The following LAMA5 variants were observed in gnomAD, a reference collection of about 807,000 sequenced individuals.
LAMA5 encodes the protein laminin subunit alpha-5.
Under a neutral mutation model 433.4 loss-of-function variants are expected in LAMA5, and 260 were observed. That is an observed-to-expected ratio of 0.60 (90% confidence interval 0.54 to 0.66). The LOEUF is 0.66. Ranked by LOEUF, LAMA5 falls within the 30% of genes least tolerant of loss-of-function variation. The pLI is 0.00. For synonymous variants in LAMA5, 2,620 were observed against 2,226.6 expected (o/e 1.18, Z -4.97); for missense variants, 5,378 against 5,258.5 (o/e 1.02, Z -0.70).
intron 34 of LAMA5, among the ~76,000 whole-genome samples, 162 bp from the exon 35 acceptor site, chr20:62,328,607 G>A (rs1979750398): frequency 6.7e-6 from 1 of 149,218 alleles, no homozygotes; most frequent in Non-Finnish European, 1.5e-5. Context: ...TCCTGACATG[G>A]AGGCAGCTGC....
chr20:62,312,490 G>A lies in LAMA5; in HGVS notation c.9270C>T (p.Cys3090=), dbSNP rs546935213. ...TGCCCAGGGCCTTGATGCCTTTGACGCAGCCACGGACTGAGCCTCCGGTGG... is the reference window on the plus strand; with the variant it reads ...TGCCCAGGGCCTTGATGCCTTTGACACAGCCACGGACTGAGCCTCCGGTGG... The part of the protein sequence containing the change: ...LFPTGGSVRG[C]VKGIKALGKY... The change falls in exon 68 of 80, where the codon TGC becomes TGT. Residue 3090 remains cysteine, a synonymous_variant. Transcript: ENST00000252999. 139 of 1,598,596 alleles carry A rather than the reference G, an allele frequency of 8.7e-5. No individual in the cohort carries two copies. Among genetic ancestry groups the A allele is most frequent in the Admixed American group, 1.2e-4 (7 of 59,974 alleles).
At chr20:62,309,933 C>A in intron 78 of LAMA5, 55 bp downstream of exon 78, 1 of 1,605,482 alleles carries the variant, frequency 6.2e-7, no homozygotes. Context: ...GCCTGGCTCC[C>A]GCTCTGCAGA....
intron 11 of LAMA5, among the ~76,000 whole-genome samples, chr20:62,340,201 C>G (rs1438128753): frequency 6.7e-6 from 1 of 149,882 alleles, no homozygotes; most frequent in South Asian, 2.1e-4. Flanking sequence ...CAGAGAGAGA[C>G]AAAGACTGGA....
chr20:62,357,682 C>CT (rs1985448735), intron 2 of LAMA5, among the ~76,000 whole-genome samples: 1 of 152,246 alleles, frequency 6.6e-6, no homozygotes, highest in Non-Finnish European at 1.5e-5. Flanking sequence ...AATAACAACT[C>CT]TGAGGCCAGA....
Position 62,328,223 on chromosome 20 carries a change from G to A in LAMA5, c.4652+18C>T, listed in dbSNP as rs572598017. On this transcript the variant is annotated intron_variant, in intron 35 of 79. Coordinates refer to ENST00000252999, the MANE Select transcript of LAMA5 (RefSeq NM_005560.6). Reference sequence around the variant, plus strand: ...TAAGGCCACCAGGGGCCGCGCTGACGCCGCTCTGGGCTCTCACTTGCACTG... The same window carrying A: ...TAAGGCCACCAGGGGCCGCGCTGACACCGCTCTGGGCTCTCACTTGCACTG... 61 of 1,584,504 alleles carry A rather than the reference G, an allele frequency of 3.8e-5. No individual in the cohort carries two copies. The highest frequency in any genetic ancestry group is 1.8e-4 in the South Asian group (16 of 87,394).
chr20:62,336,642 C>G, intron 17 of LAMA5, 92 bp downstream of exon 17: 1 of 1,460,338 alleles, frequency 6.8e-7, no homozygotes, highest in Non-Finnish European at 9.6e-7. Flanking sequence ...AACTGAGCAG[C>G]AGGCAGGAAG....
In LAMA5 at chr20:62,320,463, G is replaced by A. The variant is rs960450036; in HGVS notation, c.6759+96C>T. 36 of 904,442 alleles carry A rather than the reference G, an allele frequency of 4.0e-5. No individual in the cohort carries two copies. The East Asian group carries it at 6.6e-4, about 17-fold the overall frequency. 56.0% of individuals were successfully genotyped at this position (904,442 alleles called of 1,614,324 possible). A position where few individuals can be genotyped will look rare whatever the true frequency, so the allele number is the denominator to read the frequency against. Reference sequence around the variant, plus strand: ...CTGTCCCCTGCACTGACACATGTACGAGGCATGAAGTAACATCTGCTGAAT... The same window carrying A: ...CTGTCCCCTGCACTGACACATGTACAAGGCATGAAGTAACATCTGCTGAAT... On this transcript the variant is annotated intron_variant, in intron 50 of 79. Coordinates refer to ENST00000252999, the MANE Select transcript of LAMA5 (RefSeq NM_005560.6).
At chr20:62,332,839 C>G (rs6062222) in intron 26 of LAMA5, 122 bp from the exon 27 acceptor site, 2 of 1,263,128 alleles carry the variant, frequency 1.6e-6, no homozygotes, top group Non-Finnish European at 2.2e-6. Flanking sequence ...CACCCTGGCC[C>G]GGACATCTCC....
Position 62,310,458 on chromosome 20 carries a change from C to T in LAMA5, c.10561G>A (p.Gly3521Ser). ...TPCILGPLEA[G>S]LFFPGSGGVI... ...CCCCCGCTGCCTGGGAAGAACAGGC[C>T]CGCCTCCAGGGGGCCCAAGATGCAG... Residue 3521 changes from glycine to serine, a missense_variant, in exon 76 of 80, where the codon GGC (glycine) becomes AGC (serine). By Grantham distance (56) the Gly-to-Ser change is moderately conservative (BLOSUM62 0). Coordinates refer to ENST00000252999, the MANE Select transcript of LAMA5 (RefSeq NM_005560.6). 1 of 1,601,698 alleles carries T rather than the reference C, an allele frequency of 6.2e-7. No homozygotes were observed. Among genetic ancestry groups the T allele is most frequent in the South Asian group, 1.1e-5 (1 of 89,452 alleles).
At chr20:62,343,039 A>C (rs1982830933) in intron 11 of LAMA5, among the ~76,000 whole-genome samples, 1 of 152,238 alleles carries the variant, frequency 6.6e-6, no homozygotes, top group Admixed American at 6.5e-5. Context: ...AGGGATTAGC[A>C]AACTAGTCTA....
rs771847671 is a variant in LAMA5, at chr20:62,313,185, C to A, written c.8858G>T (p.Arg2953Leu). Residue 2953 changes from arginine (R) to leucine (L), a missense_variant, in exon 65 of 80, where the codon CGC (arginine) becomes CTC (leucine). Physicochemically the swap from Arg to Leu is moderately radical, Grantham distance 102. Coordinates refer to ENST00000252999, the MANE Select transcript of LAMA5 (RefSeq NM_005560.6). ...GCTGATCTGACTGTCGAAGCTGATG[C>A]GGGCGAAGCCGGTGCCGTCCAGGTA... ...GSYLDGTGFARISFDSQISTT... is the reference protein window; with the variant it reads ...GSYLDGTGFALISFDSQISTT... 6 of 1,563,350 alleles carry A rather than the reference C, an allele frequency of 3.8e-6. No individual in the cohort carries two copies. In the South Asian group the frequency reaches 4.6e-5, roughly 12 times the overall value.
In LAMA5 at chr20:62,352,683, C is replaced by T. The variant is rs77447279; in HGVS notation, c.569-323G>A. On this transcript the variant is annotated intron_variant, in intron 3 of 79. Coordinates refer to ENST00000252999, the MANE Select transcript of LAMA5 (RefSeq NM_005560.6). ...TCAGGCCAGGGAATTTTGGGGGACACGTGACCAGGCCTGCCCTATTGGGGA... is the reference window on the plus strand; with the variant it reads ...TCAGGCCAGGGAATTTTGGGGGACATGTGACCAGGCCTGCCCTATTGGGGA... Among the ~76,000 whole-genome samples the T allele has an allele frequency of 3.3e-5, 5 of 152,292 alleles. No homozygotes were observed. The East Asian group carries it at 5.8e-4, about 18-fold the overall frequency.
At chr20:62,325,686 A>C in intron 40 of LAMA5, 140 bp from the exon 41 acceptor site, 1 of 565,630 alleles carries the variant, frequency 1.8e-6, no homozygotes, top group Non-Finnish European at 3.1e-6. Context: ...AGGTAGAAAA[A>C]CCAGTCTCCC....
At position 62,310,892 on chromosome 20, in the gene LAMA5, C is replaced by G. The variant is rs370052293; in HGVS notation, c.10281+10G>C. 1.2e-6 allele frequency: 2 copies of G among 1,608,756 alleles called. No homozygotes were observed. Among genetic ancestry groups the G allele is most frequent in the Non-Finnish European group, 8.5e-7 (1 of 1,178,538 alleles). ...CCCTGCCCACCACCTTCCTTCTTCT[C>G]GGCCCTCACCTTGTGCCAGCGGCCA... On this transcript the variant is annotated intron_variant, in intron 74 of 79. Coordinates refer to ENST00000252999, the MANE Select transcript of LAMA5 (RefSeq NM_005560.6).
chr20:62,365,897 G>A (rs1986669518), intron 1 of LAMA5, among the ~76,000 whole-genome samples: 2 of 152,092 alleles, frequency 1.3e-5, no homozygotes, highest in Admixed American at 6.5e-5. Context: ...AGGGCCAAGG[G>A]GGTGGGGCAG....
chr20:62,324,120 A>AG lies in LAMA5; in HGVS notation c.5727dup (p.Cys1910LeufsTer67). On this transcript the variant is annotated frameshift_variant, in exon 43 of 80. Coordinates refer to ENST00000252999, the MANE Select transcript of LAMA5 (RefSeq NM_005560.6). LOFTEE classifies it high-confidence loss of function. The surrounding 1 kb of genome is among the most constrained non-coding windows in gnomAD (Gnocchi z 4.4). The stretch of plus-strand genomic sequence containing the variant: ...GAGAGGGGGCAGGGGCAGCTGACAC[A>AG]GGGGGCGCTGGGGTCGTCCCTGCTG... 6.6e-7 allele frequency: 1 copy of AG among 1,523,648 alleles called. No individual in the cohort carries two copies. Among genetic ancestry groups the AG allele is most frequent in the Non-Finnish European group, 8.8e-7 (1 of 1,138,968 alleles). 94.4% of individuals were successfully genotyped at this position (1,523,648 alleles called of 1,614,324 possible).
intron 40 of LAMA5, chr20:62,326,446 G>A (rs1979307337): frequency 3.8e-6 from 2 of 523,368 alleles, no homozygotes; most frequent in African/African-American, 1.9e-5. Context: ...ACCCCTCAGG[G>A]ATCAGGGACT....
In LAMA5 at chr20:62,329,132, G is replaced by C; in HGVS notation, c.4235+6C>G. The C allele has an allele frequency of 6.2e-7, 1 of 1,612,198 alleles. No individual in the cohort carries two copies. Among genetic ancestry groups the C allele is most frequent in the Non-Finnish European group, 8.5e-7 (1 of 1,179,378 alleles). ...CGGACCCCTGACCTGCCAGAGCCCT[G>C]CCCACCTGATGTGGTAGCCCTGGGC... On this transcript the variant is annotated splice_donor_region_variant and intron_variant, in intron 33 of 79. Transcript: ENST00000252999.
chr20:62,328,644 T>C (rs555275371), intron 34 of LAMA5, among the ~76,000 whole-genome samples, 199 bp from the exon 35 acceptor site: 11 of 152,302 alleles, frequency 7.2e-5, no homozygotes, highest in African/African-American at 2.2e-4. Flanking sequence ...CGTCAGAGAC[T>C]GTGGACCACC....
Sources: gnomAD v4.1 joint callset for allele counts (sites outside exome capture counted in the v4.1 genomes callset) on GRCh38, gnomAD v4.1.1 for gene constraint, Gnocchi (gnomAD v3.1) non-coding constraint, MANE v1.5 for transcripts, NCBI Gene and HGNC (gene_info 2026-07-23, HGNC 2026-07-21) for gene names.